CSNK2A1: variants seen among roughly 807,000 people sequenced by gnomAD.
CSNK2A1 encodes the protein casein kinase II subunit alpha.
CSNK2A1 carries 10 observed loss-of-function variants against 62.9 expected under a neutral mutation model. The ratio of observed to expected loss-of-function variants is 0.16; its 90% CI spans 0.10 to 0.27. The LOEUF (loss-of-function observed/expected upper bound fraction) is 0.27. CSNK2A1 is among the 10% of genes least tolerant of loss of function. CSNK2A1 has a pLI of 1.00. For synonymous variants in CSNK2A1, 124 were observed against 167.8 expected (o/e 0.74, Z 2.02); for missense variants, 160 against 492.0 (o/e 0.33, Z 6.38).
intron 8 of CSNK2A1, 128 bp from the exon 9 acceptor site, chr20:492,492 T>A (rs1371621387): frequency 1.3e-5 from 10 of 799,400 alleles, no homozygotes; most frequent in Non-Finnish European, 2.0e-5. Context: ...TGACTACTTA[T>A]AGCCTTTAGA....
In CSNK2A1 at chr20:474,063, T is replaced by C. The variant is rs1447439240; in HGVS notation, c.*9898A>G. 1 of 152,210 alleles carries C rather than the reference T, an allele frequency of 6.6e-6. No homozygotes were observed. The highest frequency in any genetic ancestry group is 2.4e-5 in the African/African-American group (1 of 41,436). 9.4% of individuals were successfully genotyped at this position (152,210 alleles called of 1,614,324 possible). On this transcript the variant is annotated 3_prime_UTR_variant, in exon 14 of 14. Coordinates refer to ENST00000217244, the MANE Select transcript of CSNK2A1 (RefSeq NM_177559.3). ...AAGGGACTGAGATAAAATTTATTTA[T>C]TATTTTTAAGAGAGAGGTTCTCACT...
rs1313180369 is a variant in CSNK2A1, at chr20:476,209, C to T, written c.*7752G>A. The T allele has an allele frequency of 1.3e-5, 2 of 152,410 alleles. No homozygotes were observed. Among genetic ancestry groups the T allele is most frequent in the African/African-American group, 2.4e-5 (1 of 41,450 alleles). 9.4% of individuals were successfully genotyped at this position (152,410 alleles called of 1,614,324 possible). A position where few individuals can be genotyped will look rare whatever the true frequency, so the allele number is the denominator to read the frequency against. ...GTTCAGGCAGCCCCTCCTCTGAGGC[C>T]TCATGGACCATTCTCTCTTCTCCAA... On this transcript the variant is annotated 3_prime_UTR_variant, in exon 14 of 14. Coordinates refer to ENST00000217244, the MANE Select transcript of CSNK2A1 (RefSeq NM_177559.3).
At position 481,425 on chromosome 20, in the gene CSNK2A1, G is replaced by A. The variant is rs1238254683; in HGVS notation, c.*2536C>T. 6.6e-6 allele frequency: 1 copy of A among 151,644 alleles called. No homozygotes were observed. Among genetic ancestry groups the A allele is most frequent in the Non-Finnish European group, 1.5e-5 (1 of 67,956 alleles). The allele number at this position is 151,644 out of a possible 1,614,324, so 9.4% of individuals were successfully genotyped here. On this transcript the variant is annotated 3_prime_UTR_variant, in exon 14 of 14. Transcript: ENST00000217244. ...CTGAGAAATAGTGTCCCAATACAAGGTATACAGATGAGGTAATTTACAACA... is the reference window on the plus strand; with the variant it reads ...CTGAGAAATAGTGTCCCAATACAAGATATACAGATGAGGTAATTTACAACA...
At chr20:505,365 T>G (rs958907939) in intron 3 of CSNK2A1, 136 bp from the exon 4 acceptor site, 2 of 716,192 alleles carry the variant, frequency 2.8e-6, no homozygotes, top group South Asian at 2.1e-5. Flanking sequence ...TTTTTTTTTT[T>G]TTTTTTTTTT....
In CSNK2A1 at chr20:474,957, C is replaced by T. The variant is rs930099440; in HGVS notation, c.*9004G>A. ...TTTTGTAAACTTTTAAACATTTGAACTCTAGCAAATATACTGAGAAGTGCC... is the reference window on the plus strand; with the variant it reads ...TTTTGTAAACTTTTAAACATTTGAATTCTAGCAAATATACTGAGAAGTGCC... On this transcript the variant is annotated 3_prime_UTR_variant, in exon 14 of 14. Transcript: ENST00000217244. The T allele has an allele frequency of 2.0e-5, 3 of 152,134 alleles. No individual in the cohort carries two copies. The highest frequency in any genetic ancestry group is 7.2e-5 in the African/African-American group (3 of 41,414). 9.4% of individuals were successfully genotyped at this position (152,134 alleles called of 1,614,324 possible). A position where few individuals can be genotyped will look rare whatever the true frequency, so the allele number is the denominator to read the frequency against.
chr20:489,860 T>A lies in CSNK2A1; in HGVS notation c.643A>T (p.Met215Leu). ...GCCAGCATACAACCCAAACTCCACA[T>A]ATCCAAACTATAATCGTACATCTGC... ...DYQMYDYSLD[M>L]WSLGCMLASM... The change falls in exon 10 of 14, where the codon ATG (methionine) becomes TTG (leucine). Residue 215 changes from methionine to leucine, a missense_variant. By Grantham distance (15) the Met-to-Leu change is conservative. Around this residue, in one of 3 missense-constraint regions of CSNK2A1, gnomAD observed 94 missense variants for 357.6 expected, o/e 0.26. Transcript: ENST00000217244. 1 of 1,612,758 alleles carries A rather than the reference T, an allele frequency of 6.2e-7. No homozygotes were observed. Among genetic ancestry groups the A allele is most frequent in the Non-Finnish European group, 8.5e-7 (1 of 1,179,090 alleles).
chr20:542,298 G>A (rs896621295), intron 1 of CSNK2A1, among the ~76,000 whole-genome samples: 2 of 152,222 alleles, frequency 1.3e-5, no homozygotes, highest in South Asian at 2.1e-4. Context: ...GGCTTAGAGA[G>A]TTTAGGTCAC....
chr20:491,353 T>C (rs187529295), intron 9 of CSNK2A1, among the ~76,000 whole-genome samples: 1 of 152,302 alleles, frequency 6.6e-6, no homozygotes, highest in African/African-American at 2.4e-5. Context: ...CATTCTTGAA[T>C]TTACTCTGAA....
chr20:490,150 G>T (rs6116247), intron 9 of CSNK2A1, among the ~76,000 whole-genome samples: 1 of 149,490 alleles, frequency 6.7e-6, no homozygotes, highest in South Asian at 2.1e-4. Flanking sequence ...TCCTGCCTCA[G>T]CCTCCTGACT....
chr20:484,556 A>T (rs1372406295), intron 13 of CSNK2A1, among the ~76,000 whole-genome samples: 2 of 152,232 alleles, frequency 1.3e-5, no homozygotes, highest in East Asian at 3.8e-4. Flanking sequence ...ATGTGCTCTT[A>T]CACCATGCTG....
intron 2 of CSNK2A1, among the ~76,000 whole-genome samples, chr20:523,858 C>CAAAAAAAAAAAA (rs11401840): frequency 8.8e-5 from 4 of 45,540 alleles, no homozygotes; most frequent in Admixed American, 2.2e-4. Flanking sequence ...GACTCCATCT[C>CAAAAAAAAAAAA]AAAAAAAAAA....
At chr20:513,014 T>C (rs891538689) in intron 2 of CSNK2A1, among the ~76,000 whole-genome samples, 1 of 152,150 alleles carries the variant, frequency 6.6e-6, no homozygotes, top group Non-Finnish European at 1.5e-5. Context: ...TGAAAGACAC[T>C]AGGAAAACCG....
intron 9 of CSNK2A1, among the ~76,000 whole-genome samples, chr20:491,280 C>A (rs2018230572): frequency 6.6e-6 from 1 of 152,110 alleles, no homozygotes; most frequent in Non-Finnish European, 1.5e-5. Context: ...AGAAAGAAGG[C>A]TTTTTGGGGG....
intron 4 of CSNK2A1, chr20:504,750 G>C: frequency 4.9e-6 from 1 of 204,272 alleles, no homozygotes; most frequent in Non-Finnish European, 9.7e-6. Flanking sequence ...TCCCCCTCGA[G>C]TCCTGTGACT....
chr20:521,251 A>T (rs2018938748), intron 2 of CSNK2A1, among the ~76,000 whole-genome samples: 1 of 152,246 alleles, frequency 6.6e-6, no homozygotes, highest in Admixed American at 6.5e-5. Context: ...AAAAATGGGC[A>T]AAAGACGTGA....
intron 12 of CSNK2A1, 161 bp downstream of exon 12, chr20:487,266 A>T: frequency 1.1e-6 from 1 of 907,602 alleles, no homozygotes; most frequent in Non-Finnish European, 1.7e-6. Flanking sequence ...TTCTTCCAGT[A>T]ATTCTGCAAT....
intron 2 of CSNK2A1, among the ~76,000 whole-genome samples, chr20:514,207 A>G (rs2018782820): frequency 6.6e-6 from 1 of 151,820 alleles, no homozygotes; most frequent in South Asian, 2.1e-4. Flanking sequence ...AGCTGGGTGT[A>G]GTGGAGTACA....
intron 1 of CSNK2A1, among the ~76,000 whole-genome samples, chr20:542,302 A>C (rs1328126761): frequency 6.6e-6 from 1 of 152,254 alleles, no homozygotes; most frequent in Non-Finnish European, 1.5e-5. Context: ...TAGAGAGTTT[A>C]GGTCACACAG....
intron 1 of CSNK2A1, among the ~76,000 whole-genome samples, chr20:535,161 G>C (rs937939663): frequency 2.0e-5 from 3 of 151,194 alleles, no homozygotes; most frequent in African/African-American, 7.3e-5. Flanking sequence ...TTTGAGACCA[G>C]CCTGGGCAAC....
Sources: gnomAD v4.1 joint callset for allele counts (sites outside exome capture counted in the v4.1 genomes callset) on GRCh38, gnomAD v4.1.1 for gene constraint, gnomAD v4.1.1 regional missense constraint, MANE v1.5 for transcripts, NCBI Gene and HGNC (gene_info 2026-07-23, HGNC 2026-07-21) for gene names.